WDFY1: variants seen among roughly 807,000 people sequenced by gnomAD.
The protein encoded by WDFY1 is WD repeat and FYVE domain containing 1, also known as WD repeat and FYVE domain-containing protein 1.
In WDFY1, 32 loss-of-function variants were observed where a neutral mutation model predicts 56.4. The observed-to-expected ratio is 0.57, with a 90% CI of 0.43 to 0.76. WDFY1 has a LOEUF of 0.76. Ranked by LOEUF, WDFY1 falls within the 30% of genes least tolerant of loss-of-function variation. The pLI is 0.00. For missense variants in WDFY1, 480 were observed against 545.7 expected (o/e 0.88, Z 1.20); for synonymous variants, 192 against 197.3 (o/e 0.97, Z 0.23).
intron 8 of WDFY1, among the ~76,000 whole-genome samples, chr2:223,888,182 C>T (rs1321287908): frequency 7.2e-5 from 11 of 152,080 alleles, no homozygotes; most frequent in Non-Finnish European, 1.0e-4. Flanking sequence ...CTGTCTCATG[C>T]GATCCTCCCT....
chr2:223,907,242 G>C (rs1225008981), intron 3 of WDFY1, among the ~76,000 whole-genome samples: 1 of 152,088 alleles, frequency 6.6e-6, no homozygotes, highest in African/African-American at 2.4e-5. Flanking sequence ...CTCCCAAAGT[G>C]CTGGGATTAC....
intron 9 of WDFY1, among the ~76,000 whole-genome samples, chr2:223,883,965 T>A (rs1170806734): frequency 6.6e-6 from 1 of 151,652 alleles, no homozygotes. Flanking sequence ...TATTAACACA[T>A]ACAAACTTTA....
intron 4 of WDFY1, among the ~76,000 whole-genome samples, chr2:223,902,669 T>C (rs1291995024): frequency 2.6e-5 from 4 of 152,106 alleles, no homozygotes; most frequent in Non-Finnish European, 5.9e-5. Flanking sequence ...ATGCTTTTTC[T>C]GTTTTAATGA....
At chr2:223,938,720 C>T (rs142438537) in intron 1 of WDFY1, among the ~76,000 whole-genome samples, 208 of 152,206 alleles carry the variant, frequency 1.4e-3, no homozygotes, top group African/African-American at 4.4e-3. Context: ...TGGCTTAATA[C>T]TCTTTGGAGT....
At chr2:223,912,180 T>C in intron 3 of WDFY1, 73 bp downstream of exon 3, 2 of 1,446,700 alleles carry the variant, frequency 1.4e-6, no homozygotes, top group Non-Finnish European at 1.9e-6. Flanking sequence ...AACTGGCCAA[T>C]ATGGGACATG....
At chr2:223,910,836 A>G (rs528065296) in intron 3 of WDFY1, among the ~76,000 whole-genome samples, 1 of 152,324 alleles carries the variant, frequency 6.6e-6, no homozygotes, top group South Asian at 2.1e-4. Flanking sequence ...TGGTGCAGCC[A>G]CTATGGAAAA....
intron 1 of WDFY1, among the ~76,000 whole-genome samples, chr2:223,930,790 T>C (rs1163247489): frequency 2.0e-5 from 3 of 152,160 alleles, no homozygotes; most frequent in Non-Finnish European, 4.4e-5. Context: ...AATGACGACA[T>C]GGGAGAGAGC....
Position 223,876,685 on chromosome 2 carries a change from A to C in WDFY1, c.*1986T>G, listed in dbSNP as rs1198324666. 1 of 152,232 alleles carries C rather than the reference A, an allele frequency of 6.6e-6. No individual in the cohort carries two copies. Among genetic ancestry groups the C allele is most frequent in the East Asian group, 1.9e-4 (1 of 5,200 alleles). The allele number at this position is 152,232 out of a possible 1,614,324, so 9.4% of individuals were successfully genotyped here. The stretch of plus-strand genomic sequence containing the variant: ...AATAAAAAAGGTTTGAAAGCTATGG[A>C]GTAAACTCAGCAGCTGTGATATTCC... On this transcript the variant is annotated 3_prime_UTR_variant, in exon 12 of 12. Transcript: ENST00000233055.
intron 8 of WDFY1, among the ~76,000 whole-genome samples, chr2:223,887,774 TA>T (rs1304076188): frequency 2.6e-5 from 4 of 152,098 alleles, no homozygotes; most frequent in Admixed American, 1.3e-4. Context: ...AAAATTTGGT[TA>T]AAAAAAATAA....
At position 223,941,299 on chromosome 2, in the gene WDFY1, C is replaced by T. The variant is rs549011920; in HGVS notation, c.137+3849G>A. 3.9e-5 allele frequency among the ~76,000 whole-genome samples: 6 copies of T among 152,050 alleles called. No homozygotes were observed. In the East Asian group the frequency reaches 5.8e-4, roughly 15 times the overall value. ...TTTAATTTAAAAAACAAAACAAAACCGGACACTGGGTCCTTCTAGCTCTCA... is the reference window on the plus strand; with the variant it reads ...TTTAATTTAAAAAACAAAACAAAACTGGACACTGGGTCCTTCTAGCTCTCA... On this transcript the variant is annotated intron_variant, in intron 1 of 11. Transcript: ENST00000233055.
chr2:223,924,692 A>G (rs112325611), intron 1 of WDFY1, among the ~76,000 whole-genome samples: 3 of 152,288 alleles, frequency 2.0e-5, no homozygotes, highest in Non-Finnish European at 2.9e-5. Flanking sequence ...ATCATTGTTC[A>G]GCACTGTAGA....
Position 223,894,275 on chromosome 2 carries a change from C to A in WDFY1, c.790G>T (p.Gly264Cys). The change falls in exon 8 of 12, where the codon GGC becomes TGC. Residue 264 changes from glycine to cysteine, a missense_variant. Transcript: ENST00000233055. Reference protein sequence around the residue: ...TRQLVSCSSDGGIAVWNMDVS... With the variant: ...TRQLVSCSSDCGIAVWNMDVS... ...TCCATGTTCCACACTGCAATTCCGC[C>A]GTCCGAGGAACAGGAGACGAGCTGC... 1 of 1,614,178 alleles carries A rather than the reference C, an allele frequency of 6.2e-7. No homozygotes were observed. Among genetic ancestry groups the A allele is most frequent in the Non-Finnish European group, 8.5e-7 (1 of 1,179,998 alleles).
intron 5 of WDFY1, among the ~76,000 whole-genome samples, chr2:223,900,625 G>C (rs1007537574): frequency 1.3e-5 from 2 of 151,972 alleles, no homozygotes; most frequent in African/African-American, 2.4e-5. Flanking sequence ...AAGGATTATG[G>C]GTCCTCTCCA....
At position 223,878,496 on chromosome 2, in the gene WDFY1, A is replaced by G. The variant is rs183783306; in HGVS notation, c.*175T>C. 316 of 582,346 alleles carry G rather than the reference A, an allele frequency of 5.4e-4. 2 individuals carry two copies. The highest frequency in any genetic ancestry group is 4.8e-3 in the African/African-American group (256 of 52,784). The allele number at this position is 582,346 out of a possible 1,614,324, so 36.1% of individuals were successfully genotyped here. A position where few individuals can be genotyped will look rare whatever the true frequency, so the allele number is the denominator to read the frequency against. ...ACAGACCTTTTCCATATTAGTCCCCATGGGTAAGTTCCACAAATGCCCCAA... is the reference window on the plus strand; with the variant it reads ...ACAGACCTTTTCCATATTAGTCCCCGTGGGTAAGTTCCACAAATGCCCCAA... On this transcript the variant is annotated 3_prime_UTR_variant, in exon 12 of 12. Coordinates refer to ENST00000233055, the MANE Select transcript of WDFY1 (RefSeq NM_020830.5).
intron 1 of WDFY1, among the ~76,000 whole-genome samples, chr2:223,925,214 CTAAA>C (rs1161618457): frequency 2.0e-5 from 1 of 51,040 alleles, no homozygotes; most frequent in African/African-American, 5.4e-5. Flanking sequence ...TTTTTTGTTC[CTAAA>C]AAAAAAAAAA....
chr2:223,891,146 C>T (rs917608667), intron 8 of WDFY1, among the ~76,000 whole-genome samples: 6 of 151,936 alleles, frequency 3.9e-5, no homozygotes, highest in East Asian at 1.9e-4. Flanking sequence ...GAAGCTGAGG[C>T]GGGCGGATCA....
intron 2 of WDFY1, among the ~76,000 whole-genome samples, chr2:223,913,619 T>C (rs1341499742): frequency 6.6e-6 from 1 of 152,216 alleles, no homozygotes; most frequent in Non-Finnish European, 1.5e-5. Context: ...CTTTGACAAA[T>C]CAAATCATGC....
In WDFY1 at chr2:223,899,069, A is replaced by G. The variant is rs777873361; in HGVS notation, c.487T>C (p.Tyr163His). ...AAAGCATACTGAGTGTCAAAGTCAT[A>G]TCTGAGGAGAAGCAGTCAAGGATGT... is the stretch of plus-strand genomic sequence containing the variant. ...FFTSWASCLQ[Y>H]DFDTQYAFVG... Residue 163 changes from tyrosine to histidine, a missense_variant and splice_region_variant, in exon 6 of 12, where the codon TAT becomes CAT. Physicochemically the swap from Tyr to His is moderately conservative, Grantham distance 83. Transcript: ENST00000233055. 6.2e-7 allele frequency: 1 copy of G among 1,613,334 alleles called. No individual in the cohort carries two copies. Among genetic ancestry groups the G allele is most frequent in the Non-Finnish European group, 8.5e-7 (1 of 1,179,246 alleles).
At chr2:223,938,856 A>ATTTTT (rs10626915) in intron 1 of WDFY1, among the ~76,000 whole-genome samples, 3 of 140,482 alleles carry the variant, frequency 2.1e-5, no homozygotes, top group Non-Finnish European at 3.0e-5. Flanking sequence ...TGTAAGCAGT[A>ATTTTT]TTTTTTTTTT....
Sources: gnomAD v4.1 joint callset for allele counts (sites outside exome capture counted in the v4.1 genomes callset) on GRCh38, gnomAD v4.1.1 for gene constraint, MANE v1.5 for transcripts, NCBI Gene and HGNC (gene_info 2026-07-23, HGNC 2026-07-21) for gene names.